Variants in PTPRT observed in about 807,000 individuals in gnomAD.
The protein encoded by PTPRT is receptor-type tyrosine-protein phosphatase T.
A neutral mutation model predicts 176.8 loss-of-function variants in PTPRT; 56 were observed. That is an observed-to-expected ratio of 0.32 (90% CI 0.26 to 0.40). PTPRT has a LOEUF of 0.40. Ranked by LOEUF, PTPRT falls within the 10% of genes least tolerant of loss-of-function variation. The probability of loss-of-function intolerance (pLI) is 1.00; values close to 1 mark genes in which losing one functional copy is unlikely to be tolerated. For synonymous variants in PTPRT, 783 were observed against 739.0 expected (o/e 1.06, Z -0.96); for missense variants, 1,540 against 1,908.2 (o/e 0.81, Z 3.60).
chr20:43,004,916 G>T (rs1191538771), intron 1 of PTPRT, among the ~76,000 whole-genome samples: 1 of 152,156 alleles, frequency 6.6e-6, no homozygotes, highest in African/African-American at 2.4e-5. Flanking sequence ...GAAATAACTT[G>T]TGTGGGAATT....
chr20:42,067,895 T>A (rs762922419), downstream of PTPRT, among the ~76,000 whole-genome samples: 1 of 152,092 alleles, frequency 6.6e-6, no homozygotes, highest in South Asian at 2.1e-4. Context: ...TAAACGAAAT[T>A]TTTTTTGGAA....
chr20:42,947,922 C>T (rs553940059), intron 1 of PTPRT, among the ~76,000 whole-genome samples: 1 of 152,182 alleles, frequency 6.6e-6, no homozygotes, highest in Non-Finnish European at 1.5e-5. Flanking sequence ...GTCTTGTCCA[C>T]TTTTGTATCC....
intron 9 of PTPRT, among the ~76,000 whole-genome samples, chr20:42,393,378 A>T (rs1023057595): frequency 1.4e-4 from 21 of 152,318 alleles, no homozygotes; most frequent in African/African-American, 3.6e-4. Context: ...ATTATGCCTC[A>T]TTTCACAGGA....
intron 1 of PTPRT, among the ~76,000 whole-genome samples, chr20:42,914,188 A>C (rs1978577661): frequency 6.6e-6 from 1 of 152,204 alleles, no homozygotes; most frequent in Non-Finnish European, 1.5e-5. Flanking sequence ...GATCAGCCCT[A>C]GGTGATCCTC....
intron 2 of PTPRT, among the ~76,000 whole-genome samples, chr20:42,839,787 T>C (rs1362225090): frequency 6.6e-6 from 1 of 152,134 alleles, no homozygotes; most frequent in Non-Finnish European, 1.5e-5. Flanking sequence ...AGTGGTACTC[T>C]AGGTTGTGGT....
intron 2 of PTPRT, among the ~76,000 whole-genome samples, chr20:42,806,816 C>T (rs1218005292): frequency 6.6e-6 from 1 of 152,116 alleles, no homozygotes; most frequent in Admixed American, 6.5e-5. Context: ...ACTAAATTCT[C>T]AATCAATGTT....
chr20:43,028,844 C>A (rs1293082653), intron 1 of PTPRT, among the ~76,000 whole-genome samples: 22 of 152,174 alleles, frequency 1.4e-4, no homozygotes, highest in Non-Finnish European at 1.5e-5. Flanking sequence ...AGGGCCACGG[C>A]TAGAGGGAAT....
At chr20:43,094,710 T>G (rs2012053895) in intron 1 of PTPRT, among the ~76,000 whole-genome samples, 1 of 152,180 alleles carries the variant, frequency 6.6e-6, no homozygotes, top group Non-Finnish European at 1.5e-5. Flanking sequence ...TCTCTTTATT[T>G]ATCACCTTAG....
the PTPRT span, among the ~76,000 whole-genome samples, chr20:42,055,522 A>T: frequency 6.6e-6 from 1 of 152,186 alleles, no homozygotes; most frequent in Non-Finnish European, 1.5e-5. Flanking sequence ...AACAAAAAAG[A>T]TTTGAATGCT....
At chr20:42,480,413 T>A (rs1036452201) in intron 7 of PTPRT, among the ~76,000 whole-genome samples, 4 of 152,170 alleles carry the variant, frequency 2.6e-5, no homozygotes, top group African/African-American at 9.7e-5. Flanking sequence ...CTGAGTCTAG[T>A]TGACTACTGG....
chr20:42,321,899 G>A (rs992671377), intron 11 of PTPRT, among the ~76,000 whole-genome samples: 86 of 152,174 alleles, frequency 5.7e-4, no homozygotes, highest in African/African-American at 1.9e-3. Context: ...GTGAAACCCC[G>A]TCTCTACTAA....
chr20:43,043,239 T>TCCCTCAG (rs1986703019), intron 1 of PTPRT, among the ~76,000 whole-genome samples: 1 of 152,078 alleles, frequency 6.6e-6, no homozygotes, highest in African/African-American at 2.4e-5. Flanking sequence ...AACGACGCCC[T>TCCCTCAG]CCCTCAGCCC....
At position 42,798,569 on chromosome 20, in the gene PTPRT, C is replaced by T. The variant is rs145498420; in HGVS notation, c.215-7103G>A. The stretch of plus-strand genomic sequence containing the variant: ...AGTGTCAAAAAAAAGAAATCTGCTG[C>T]TTTTCTAATATACCAGAAAATGGGG... On this transcript the variant is annotated intron_variant, in intron 2 of 30. Coordinates refer to ENST00000373187, the MANE Select transcript of PTPRT (RefSeq NM_007050.6). Among the ~76,000 whole-genome samples, 36 of 152,118 alleles carry T rather than the reference C, an allele frequency of 2.4e-4. No homozygotes were observed. In the South Asian group the frequency reaches 5.4e-3, roughly 23 times the overall value.
chr20:42,806,814 CTCAA>C (rs1352883927), intron 2 of PTPRT, among the ~76,000 whole-genome samples: 11 of 152,144 alleles, frequency 7.2e-5, no homozygotes, highest in African/African-American at 2.7e-4. Context: ...ATACTAAATT[CTCAA>C]TCAATGTTAG....
intron 7 of PTPRT, among the ~76,000 whole-genome samples, chr20:42,535,376 C>A (rs756606607): frequency 6.6e-6 from 1 of 152,104 alleles, no homozygotes; most frequent in South Asian, 2.1e-4. Flanking sequence ...TAGGGTCCTA[C>A]GCTTATTACC....
Position 42,350,741 on chromosome 20 carries a change from A to G in PTPRT, c.1763-11T>C, listed in dbSNP as rs2058270961. The G allele has an allele frequency of 1.9e-6, 3 of 1,591,828 alleles. No homozygotes were observed. The highest frequency in any genetic ancestry group is 2.6e-6 in the Non-Finnish European group (3 of 1,160,046). On this transcript the variant is annotated splice_polypyrimidine_tract_variant and intron_variant, in intron 10 of 30. Transcript: ENST00000373187. ...CAGGCATGGATGGAGCTGGACAGGA[A>G]ACAGAGAGTGCAGGTGAGTTCAGCA...
At chr20:42,350,902 C>T (rs879191839) in intron 10 of PTPRT, among the ~76,000 whole-genome samples, 172 bp from the exon 11 acceptor site, 1 of 152,190 alleles carries the variant, frequency 6.6e-6, no homozygotes, top group African/African-American at 2.4e-5. Context: ...CGATGCCCAA[C>T]CTGCCCATAG....
At position 42,106,768 on chromosome 20, in the gene PTPRT, T is replaced by C; in HGVS notation, c.3390+18A>G. 3.1e-6 allele frequency: 5 copies of C among 1,610,448 alleles called. No homozygotes were observed. The highest frequency in any genetic ancestry group is 4.2e-6 in the Non-Finnish European group (5 of 1,177,826). On this transcript the variant is annotated intron_variant, in intron 24 of 30. Coordinates refer to ENST00000373187, the MANE Select transcript of PTPRT (RefSeq NM_007050.6). ...CAGGGCTACAGGTGGCCAACTGTCT[T>C]GGCCCCCTAGGACTCACCTCTGTCT...
chr20:42,643,796 C>T (rs562891328), intron 7 of PTPRT, among the ~76,000 whole-genome samples: 5 of 152,008 alleles, frequency 3.3e-5, no homozygotes, highest in South Asian at 2.1e-4. Flanking sequence ...CTGCTTTATA[C>T]GACTGGTTGC....
Sources: allele counts gnomAD v4.1 joint callset (sites outside exome capture counted in the v4.1 genomes callset), GRCh38; gene constraint gnomAD v4.1.1; transcripts MANE v1.5; gene names NCBI Gene and HGNC (gene_info 2026-07-23, HGNC 2026-07-21).